NASP: variants seen among roughly 807,000 people sequenced by gnomAD.
NASP encodes the protein nuclear autoantigenic sperm protein.
In NASP, 24 loss-of-function variants were observed where a neutral mutation model predicts 89.5. The ratio of observed to expected loss-of-function variants is 0.27; its 90% CI spans 0.19 to 0.38. The LOEUF (loss-of-function observed/expected upper bound fraction) is 0.38. NASP is among the 10% of genes least tolerant of loss of function. The probability of loss-of-function intolerance (pLI) is 1.00; values close to 1 mark genes in which losing one functional copy is unlikely to be tolerated. For synonymous variants in NASP, 306 were observed against 324.7 expected (o/e 0.94, Z 0.62); for missense variants, 848 against 921.4 (o/e 0.92, Z 1.03).
intron 6 of NASP, chr1:45,611,064 G>C (rs1644000026): frequency 1.3e-5 from 2 of 152,066 alleles, no homozygotes; most frequent in South Asian, 2.1e-4. Flanking sequence ...AAGTGGGTCC[G>C]GGCTTAGTTC....
chr1:45,587,017 A>C (rs961069247), intron 1 of NASP, among the ~76,000 whole-genome samples: 1 of 152,142 alleles, frequency 6.6e-6, no homozygotes, highest in Non-Finnish European at 1.5e-5. Flanking sequence ...CTTTGATAGC[A>C]GCTTCATTGC....
intron 3 of NASP, among the ~76,000 whole-genome samples, chr1:45,602,857 TAA>T (rs1643869781): frequency 6.6e-6 from 1 of 152,168 alleles, no homozygotes. Context: ...CTCTTGGGCT[TAA>T]GCGATTCGTC....
At chr1:45,608,499 A>G (rs1213315546) in intron 6 of NASP, 162 bp downstream of exon 6, 3 of 690,104 alleles carry the variant, frequency 4.3e-6, no homozygotes, top group Non-Finnish European at 7.2e-6. Context: ...CGTGATAGTC[A>G]AGTAAGTTCA....
chr1:45,589,216 C>T (rs114268388), intron 1 of NASP, among the ~76,000 whole-genome samples: 207 of 152,290 alleles, frequency 1.4e-3, no homozygotes, highest in Middle Eastern at 3.4e-3. Flanking sequence ...CAGCCTCTAT[C>T]TCCTGGGCTC....
At chr1:45,615,926 G>A (rs558530575) in intron 11 of NASP, among the ~76,000 whole-genome samples, 48 of 152,262 alleles carry the variant, frequency 3.2e-4, no homozygotes, top group South Asian at 2.1e-3. Context: ...TGGGATGCCC[G>A]ACCTGTAGTA....
At chr1:45,586,625 A>C (rs148199212) in intron 1 of NASP, among the ~76,000 whole-genome samples, 5 of 152,086 alleles carry the variant, frequency 3.3e-5, no homozygotes, top group African/African-American at 7.2e-5. Context: ...TCGTTTCCCC[A>C]TCTAATTAGT....
chr1:45,605,945 T>G (rs1266149575), intron 4 of NASP, among the ~76,000 whole-genome samples: 1 of 151,890 alleles, frequency 6.6e-6, no homozygotes, highest in East Asian at 1.9e-4. Flanking sequence ...TCCAGCTAAT[T>G]TTGTATTTTT....
Position 45,604,937 on chromosome 1 carries a change from G to T in NASP, c.220G>T (p.Gly74Cys). 6.2e-7 allele frequency: 1 copy of T among 1,605,040 alleles called. No individual in the cohort carries two copies. Among genetic ancestry groups the T allele is most frequent in the Non-Finnish European group, 8.5e-7 (1 of 1,172,208 alleles). ...NAFQEAASLL[G>C]KKYGETANEC... Reference sequence around the variant, plus strand: ...TTTAGATGTTTATTCTCTTTGTAGAGGTAAGAAGTATGGAGAGACAGCTAA... The same window carrying T: ...TTTAGATGTTTATTCTCTTTGTAGATGTAAGAAGTATGGAGAGACAGCTAA... Residue 74 changes from glycine to cysteine, a missense_variant and splice_region_variant, in exon 4 of 15, where the codon GGT becomes TGT. By Grantham distance (159) the Gly-to-Cys change is radical. Transcript: ENST00000350030.
chr1:45,586,054 C>T (rs970712647), intron 1 of NASP, among the ~76,000 whole-genome samples: 3 of 151,638 alleles, frequency 2.0e-5, no homozygotes, highest in South Asian at 2.1e-4. Flanking sequence ...GCAGGTTATA[C>T]ATAGAGAAAG....
At chr1:45,608,392 A>C (rs745465042) in intron 6 of NASP, 55 bp downstream of exon 6, 4 of 1,523,654 alleles carry the variant, frequency 2.6e-6, no homozygotes, top group Non-Finnish European at 1.8e-6. Flanking sequence ...GATTTGACTC[A>C]CTAATTATGG....
rs1202771599 is a variant in NASP at position 45,586,284 on chromosome 1, G to GTGGT, written c.59+2079_59+2080insTGGT. Among the ~76,000 whole-genome samples the GTGGT allele has an allele frequency of 8.2e-4, 82 of 100,504 alleles. 1 individual carries two copies. Among genetic ancestry groups the GTGGT allele is most frequent in the East Asian group, 4.4e-3 (16 of 3,644 alleles). The allele number at this position is 100,504 out of a possible 152,430, so 65.9% of individuals were successfully genotyped here. On this transcript the variant is annotated intron_variant, in intron 1 of 14. Coordinates refer to ENST00000350030, the MANE Select transcript of NASP (RefSeq NM_002482.4). ...TGTGTGTGTGTGTGTGTGTGTGTGT[G>GTGGT]GTGTGTGTGTGTGTGTGTGTGTGTG... is the stretch of plus-strand genomic sequence containing the variant.
intron 4 of NASP, 40 bp from the exon 5 acceptor site, chr1:45,606,442 C>A: frequency 6.8e-7 from 1 of 1,470,126 alleles, no homozygotes; most frequent in Non-Finnish European, 9.5e-7. Context: ...TTGCTAGGTT[C>A]TAGCCATCAA....
intron 1 of NASP, chr1:45,588,703 C>G: frequency 4.8e-6 from 2 of 417,304 alleles, no homozygotes; most frequent in South Asian, 3.4e-5. Context: ...CTTTGGGAGG[C>G]CGAGGTGGGC....
chr1:45,587,892 T>G (rs1272616584), intron 1 of NASP, among the ~76,000 whole-genome samples: 5 of 150,468 alleles, frequency 3.3e-5, no homozygotes, highest in Non-Finnish European at 7.4e-5. Flanking sequence ...AGGCAGAGGT[T>G]GCAGTGAGTC....
Position 45,607,511 on chromosome 1 carries a change from C to T in NASP, c.600C>T (p.Asp200=). The change falls in exon 6 of 15, where the codon GAC becomes GAT. Residue 200 remains aspartate, a synonymous_variant. Transcript: ENST00000350030. ...CAGAGGAGCCACAGGAAAAAGTTGA[C>T]TTGACTCTAGATTGGTTAACTGAAA... is the stretch of plus-strand genomic sequence containing the variant. The part of the protein sequence containing the change: ...KSAEEPQEKV[D]LTLDWLTETS... The T allele has an allele frequency of 1.2e-6, 2 of 1,614,032 alleles. No individual in the cohort carries two copies. Among genetic ancestry groups the T allele is most frequent in the Non-Finnish European group, 1.7e-6 (2 of 1,179,990 alleles).
chr1:45,606,425 G>C, intron 4 of NASP, 57 bp from the exon 5 acceptor site: 1 of 1,271,886 alleles, frequency 7.9e-7, no homozygotes, highest in South Asian at 1.2e-5. Context: ...TTCTGTCTTA[G>C]AAAAAATTGC....
At chr1:45,602,158 A>C (rs1202395041) in intron 2 of NASP, 97 bp from the exon 3 acceptor site, 3 of 1,454,482 alleles carry the variant, frequency 2.1e-6, no homozygotes, top group African/African-American at 1.4e-5. Flanking sequence ...GTAGTCCAAA[A>C]GTTTTAAAAA....
At chr1:45,614,265 G>A (rs1476080835) in intron 8 of NASP, 28 bp from the exon 9 acceptor site, 5 of 1,608,020 alleles carry the variant, frequency 3.1e-6, no homozygotes, top group Non-Finnish European at 4.3e-6. Context: ...GTACTGTTAA[G>A]GTTTTTGATC....
chr1:45,596,982 C>CA (rs894512928), intron 2 of NASP, among the ~76,000 whole-genome samples: 20 of 147,390 alleles, frequency 1.4e-4, no homozygotes, highest in African/African-American at 3.0e-4. Flanking sequence ...GACGCTGTCT[C>CA]AAAAAAAAGA....
Sources: allele counts gnomAD v4.1 joint callset (sites outside exome capture counted in the v4.1 genomes callset), GRCh38; gene constraint gnomAD v4.1.1; transcripts MANE v1.5; gene names NCBI Gene and HGNC (gene_info 2026-07-23, HGNC 2026-07-21).